The following ADGRL3 variants were observed in gnomAD, a reference collection of about 807,000 sequenced individuals.
ADGRL3 encodes the protein calcium-independent alpha-latrotoxin receptor 3.
Under a neutral mutation model 153.5 loss-of-function variants are expected in ADGRL3, and 62 were observed. That is an observed-to-expected ratio of 0.40 (90% CI 0.33 to 0.50). The LOEUF (loss-of-function observed/expected upper bound fraction) is 0.50. Among genes scored for constraint, ADGRL3 ranks in the 20% least tolerant of loss-of-function variants. ADGRL3 has a pLI of 0.47. For synonymous variants in ADGRL3, 710 were observed against 672.5 expected (o/e 1.06, Z -0.86); for missense variants, 1,641 against 1,859.4 (o/e 0.88, Z 2.16).
chr4:61,926,252 G>A (rs188349231), intron 13 of ADGRL3, among the ~76,000 whole-genome samples: 4 of 152,236 alleles, frequency 2.6e-5, no homozygotes, highest in African/African-American at 9.6e-5. Flanking sequence ...TCATTATTCA[G>A]TGCACGACTG....
At position 61,676,110 on chromosome 4, in the gene ADGRL3, G is replaced by A. The variant is rs146980395; in HGVS notation, c.474-716G>A. On this transcript the variant is annotated intron_variant, in intron 5 of 26. Transcript: ENST00000683033. ...ACCTCCAGTTCCATCTTATATTTAT[G>A]TTTTATTAGTGGTATGTCATTATTC... 7.3e-3 allele frequency among the ~76,000 whole-genome samples: 1,113 copies of A among 151,732 alleles called. 17 individuals are homozygous for A. The highest frequency in any genetic ancestry group is 8.5e-3 in the Non-Finnish European group (576 of 67,846).
intron 8 of ADGRL3, among the ~76,000 whole-genome samples, chr4:61,750,492 T>C (rs2152050375): frequency 6.6e-6 from 1 of 152,232 alleles, no homozygotes; most frequent in South Asian, 2.1e-4. Flanking sequence ...AGGATGGACA[T>C]ATATTAGAAC....
At chr4:62,036,981 C>T (rs773631190) in intron 23 of ADGRL3, among the ~76,000 whole-genome samples, 4 of 151,944 alleles carry the variant, frequency 2.6e-5, no homozygotes, top group Non-Finnish European at 5.9e-5. Flanking sequence ...AGCTAAAACT[C>T]TTCTTTTTCC....
chr4:61,247,827 A>G (rs556920868), intron 1 of ADGRL3, among the ~76,000 whole-genome samples: 1 of 152,206 alleles, frequency 6.6e-6, no homozygotes, highest in Non-Finnish European at 1.5e-5. Flanking sequence ...GCTATAATTT[A>G]TACATCAGGA....
At chr4:61,862,394 C>T (rs1450215808) in intron 9 of ADGRL3, among the ~76,000 whole-genome samples, 5 of 152,170 alleles carry the variant, frequency 3.3e-5, no homozygotes, top group Non-Finnish European at 5.9e-5. Context: ...GGCATTGGAA[C>T]GATGTTTCAG....
intron 6 of ADGRL3, among the ~76,000 whole-genome samples, chr4:61,688,728 A>G (rs1431638829): frequency 6.6e-6 from 1 of 152,016 alleles, no homozygotes; most frequent in African/African-American, 2.4e-5. Flanking sequence ...AGTATTCTCT[A>G]CCTCCCTTGA....
At chr4:62,006,397 G>A (rs567459201) in intron 21 of ADGRL3, among the ~76,000 whole-genome samples, 10 of 152,144 alleles carry the variant, frequency 6.6e-5, no homozygotes, top group Non-Finnish European at 1.3e-4. Flanking sequence ...TACTAGAACA[G>A]TGAGTGGTTA....
At chr4:61,544,519 C>G (rs1027601979) in intron 4 of ADGRL3, among the ~76,000 whole-genome samples, 2 of 152,100 alleles carry the variant, frequency 1.3e-5, no homozygotes, top group South Asian at 4.1e-4. Flanking sequence ...CCTTTAGATA[C>G]ATGTGTACAG....
intron 9 of ADGRL3, among the ~76,000 whole-genome samples, chr4:61,825,565 G>A (rs2097792853): frequency 6.6e-6 from 1 of 151,904 alleles, no homozygotes. Flanking sequence ...GTTGTGAATG[G>A]CTATATACTA....
intron 8 of ADGRL3, among the ~76,000 whole-genome samples, chr4:61,760,183 GCTGTCAGACAGGGA>G (rs1224367067): frequency 1.3e-5 from 2 of 152,208 alleles, no homozygotes; most frequent in Admixed American, 6.5e-5. Flanking sequence ...TCTCTTCAAA[GCTGTCAGACAGGGA>G]CATTTTAGTG....
At chr4:61,947,195 A>T in intron 16 of ADGRL3, 73 bp downstream of exon 16, 1 of 1,199,158 alleles carries the variant, frequency 8.3e-7, no homozygotes, top group South Asian at 1.4e-5. Flanking sequence ...TAAGTGTATT[A>T]ATTTTCTTTT....
At chr4:61,261,453 C>G (rs2092514276) in intron 1 of ADGRL3, among the ~76,000 whole-genome samples, 3 of 151,988 alleles carry the variant, frequency 2.0e-5, no homozygotes, top group Admixed American at 1.3e-4. Context: ...AGTTTGGTAT[C>G]TGGGACTTTT....
chr4:61,567,342 C>T (rs1314404710), intron 4 of ADGRL3, among the ~76,000 whole-genome samples: 1 of 152,142 alleles, frequency 6.6e-6, no homozygotes, highest in African/African-American at 2.4e-5. Context: ...CACCACCCTC[C>T]CCAATTTTAT....
chr4:61,953,806 A>G lies in ADGRL3; in HGVS notation c.2805+5530A>G, dbSNP rs1217589080. 2.0e-5 allele frequency among the ~76,000 whole-genome samples: 3 copies of G among 152,198 alleles called. No homozygotes were observed. The East Asian group carries it at 5.8e-4, about 29-fold the overall frequency. On this transcript the variant is annotated intron_variant, in intron 17 of 26. Coordinates refer to ENST00000683033, the MANE Select transcript of ADGRL3 (RefSeq NM_001387552.1). ...GTGTCCTGTTATAAAGATCAGATGT[A>G]TTTCATAAGTTAATGTGTGGACACT...
At chr4:62,007,957 A>T (rs529954858) in intron 21 of ADGRL3, among the ~76,000 whole-genome samples, 2 of 152,268 alleles carry the variant, frequency 1.3e-5, no homozygotes, top group South Asian at 4.2e-4. Flanking sequence ...ATAGGAAGAA[A>T]TCTACAGATC....
In ADGRL3 at chr4:61,738,462, G is replaced by C. The variant is rs542874165; in HGVS notation, c.1399+4908G>C. Among the ~76,000 whole-genome samples the C allele has an allele frequency of 2.0e-5, 3 of 152,204 alleles. No homozygotes were observed. In the East Asian group the frequency reaches 5.8e-4, roughly 29 times the overall value. The stretch of plus-strand genomic sequence containing the variant: ...AGTAGTGGGATTGCAGGGTCAGATG[G>C]TAGTTCTACTTTTAGTTCTTTAAGG... On this transcript the variant is annotated intron_variant, in intron 8 of 26. Transcript: ENST00000683033.
At position 61,296,524 on chromosome 4, in the gene ADGRL3, G is replaced by A. The variant is rs531526929; in HGVS notation, c.-239-86600G>A. Among the ~76,000 whole-genome samples the A allele has an allele frequency of 2.0e-5, 3 of 152,160 alleles. No individual in the cohort carries two copies. The South Asian group carries it at 6.2e-4, about 32-fold the overall frequency. ...AGTTGCCTTGCCTTATATTTTGATA[G>A]ATAAATTGCTTAAGGATTTAAAATC... On this transcript the variant is annotated intron_variant, in intron 1 of 26. Transcript: ENST00000683033.
At position 61,669,081 on chromosome 4, in the gene ADGRL3, G is replaced by T. The variant is rs376520215; in HGVS notation, c.474-7745G>T. On this transcript the variant is annotated intron_variant, in intron 5 of 26. Transcript: ENST00000683033. ...TTACTTTTATAAGTCTTCTTAAATT[G>T]CCCTTAAATTGTAAGTGGACAACGT... Among the ~76,000 whole-genome samples, 26 of 152,184 alleles carry T rather than the reference G, an allele frequency of 1.7e-4. 1 individual carries two copies. Among genetic ancestry groups the T allele is most frequent in the African/African-American group, 6.0e-4 (25 of 41,514 alleles).
chr4:61,247,061 G>A (rs1459975536), intron 1 of ADGRL3, among the ~76,000 whole-genome samples: 1 of 151,988 alleles, frequency 6.6e-6, no homozygotes, highest in Non-Finnish European at 1.5e-5. Context: ...TTTAAAGGAA[G>A]AGAAATAATT....
Sources: allele counts gnomAD v4.1 joint callset (sites outside exome capture counted in the v4.1 genomes callset), GRCh38; gene constraint gnomAD v4.1.1; transcripts MANE v1.5; gene names NCBI Gene and HGNC (gene_info 2026-07-23, HGNC 2026-07-21).